Variants in RALGPS2 observed in about 807,000 individuals in gnomAD.
RALGPS2 encodes the protein Ral GEF with PH domain and SH3 binding motif 2.
A neutral mutation model predicts 86.8 loss-of-function variants in RALGPS2; 43 were observed. The ratio of observed to expected loss-of-function variants is 0.50; its 90% confidence interval spans 0.39 to 0.64. The LOEUF (loss-of-function observed/expected upper bound fraction) is 0.64, where lower values mean the gene tolerates loss of function less well. Ranked by LOEUF, RALGPS2 falls within the 30% of genes least tolerant of loss-of-function variation. The pLI, the probability that RALGPS2 is intolerant of heterozygous loss-of-function variation, is 0.00. For synonymous variants in RALGPS2, 243 were observed against 231.3 expected, an observed-to-expected ratio of 1.05 and a Z score of -0.46; for missense variants, 536 against 694.6, an observed-to-expected ratio of 0.77 and a Z score of 2.57.
intron 10 of RALGPS2, among the ~76,000 whole-genome samples, chr1:178,880,545 T>C (rs1295927382): frequency 6.6e-6 from 1 of 152,176 alleles, no homozygotes; most frequent in Non-Finnish European, 1.5e-5. Context: ...TTTTTCAAGT[T>C]TGATGGTCTG....
At chr1:178,915,591 TTG>T (rs1312196584) in intron 19 of RALGPS2, among the ~76,000 whole-genome samples, 7 of 152,246 alleles carry the variant, frequency 4.6e-5, no homozygotes, top group African/African-American at 1.7e-4. Context: ...ACTTGAGCAT[TTG>T]TGTTGTATTT....
chr1:178,863,483 A>G (rs569692418), intron 8 of RALGPS2, among the ~76,000 whole-genome samples: 1 of 152,386 alleles, frequency 6.6e-6, no homozygotes, highest in Non-Finnish European at 1.5e-5. Context: ...GTTTGTTTGA[A>G]TCTAGGAAGT....
intron 1 of RALGPS2, among the ~76,000 whole-genome samples, chr1:178,766,869 G>A (rs1217075791): frequency 6.6e-6 from 1 of 152,176 alleles, no homozygotes; most frequent in African/African-American, 2.4e-5. Context: ...CTCCCTTTCA[G>A]GGATGCCAAT....
At chr1:178,779,134 A>G (rs1653252912) in intron 2 of RALGPS2, among the ~76,000 whole-genome samples, 1 of 152,212 alleles carries the variant, frequency 6.6e-6, no homozygotes, top group Non-Finnish European at 1.5e-5. Context: ...ATTAGAGGAA[A>G]CAAAAGAACC....
chr1:178,891,604 T>C (rs1659711939), intron 14 of RALGPS2, among the ~76,000 whole-genome samples: 1 of 148,920 alleles, frequency 6.7e-6, no homozygotes, highest in South Asian at 2.1e-4. Flanking sequence ...TCTGTTTTTA[T>C]TTTTTTTGTT....
chr1:178,826,347 C>T (rs1238663541), intron 7 of RALGPS2, among the ~76,000 whole-genome samples: 1 of 152,160 alleles, frequency 6.6e-6, no homozygotes, highest in Non-Finnish European at 1.5e-5. Flanking sequence ...TTTATACATA[C>T]AGTGGAATAT....
At chr1:178,793,382 C>T (rs1485868640) in intron 4 of RALGPS2, among the ~76,000 whole-genome samples, 4 of 147,958 alleles carry the variant, frequency 2.7e-5, no homozygotes, top group South Asian at 2.2e-4. Context: ...ATAAGAATTT[C>T]GATCAAAACC....
At chr1:178,801,241 A>G (rs1654456615) in intron 4 of RALGPS2, among the ~76,000 whole-genome samples, 1 of 151,952 alleles carries the variant, frequency 6.6e-6, no homozygotes, top group Admixed American at 6.6e-5. Context: ...AATCTTCTTT[A>G]TGTGCATATG....
intron 13 of RALGPS2, among the ~76,000 whole-genome samples, chr1:178,888,777 G>GAC (rs2102384045): frequency 6.6e-6 from 1 of 152,174 alleles, no homozygotes; most frequent in Non-Finnish European, 1.5e-5. Context: ...CTCTAAGAGA[G>GAC]ACGAGTCTAA....
In RALGPS2 at chr1:178,885,975, T is replaced by A; in HGVS notation, c.1047T>A (p.Ile349=). 1 of 1,583,978 alleles carries A rather than the reference T, an allele frequency of 6.3e-7. No individual in the cohort carries two copies. Among genetic ancestry groups the A allele is most frequent in the Non-Finnish European group, 8.5e-7 (1 of 1,169,882 alleles). Residue 349 remains isoleucine (I), a synonymous_variant, in exon 13 of 20, where the codon ATT becomes ATA. Transcript: ENST00000367635. The stretch of plus-strand genomic sequence containing the variant: ...CTTTTTTTTCTGTTTCTAGTTTCAT[T>A]CATAAAATGAACACAGCAGAATTTA... ...RKCHSLGYNF[I]HKMNTAEFKS...
At position 178,776,742 on chromosome 1, in the gene RALGPS2, G is replaced by A. The variant is rs1159805617; in HGVS notation, c.-23G>A. 3 of 1,601,500 alleles carry A rather than the reference G, an allele frequency of 1.9e-6. No homozygotes were observed. The highest frequency in any genetic ancestry group is 2.6e-6 in the Non-Finnish European group (3 of 1,170,830). ...CAGTCCTCTGTTGCTGTTAACATAA[G>A]GTCAGGGACTGATGAGGAAAGCATG... On this transcript the variant is annotated 5_prime_UTR_variant, in exon 2 of 20. Coordinates refer to ENST00000367635, the MANE Select transcript of RALGPS2 (RefSeq NM_152663.5).
Position 178,811,484 on chromosome 1 carries a change from A to G in RALGPS2, c.387+80A>G, listed in dbSNP as rs564013639. 2.9e-6 allele frequency: 3 copies of G among 1,027,168 alleles called. 1 individual carries two copies. In the Admixed American group the frequency reaches 8.3e-5, roughly 29 times the overall value. 63.6% of individuals were successfully genotyped at this position (1,027,168 alleles called of 1,614,324 possible). Reference sequence around the variant, plus strand: ...AGTGAATAAATATTCGTGATGCTTTATTCACTGTTTATTGATACTGGAAAA... The same window carrying G: ...AGTGAATAAATATTCGTGATGCTTTGTTCACTGTTTATTGATACTGGAAAA... On this transcript the variant is annotated intron_variant, in intron 6 of 19. Transcript: ENST00000367635.
At chr1:178,871,292 A>G (rs1402299218) in intron 8 of RALGPS2, among the ~76,000 whole-genome samples, 1 of 152,158 alleles carries the variant, frequency 6.6e-6, no homozygotes, top group Non-Finnish European at 1.5e-5. Flanking sequence ...GAAACAAACT[A>G]TCATAGTTCA....
intron 1 of RALGPS2, 72 bp downstream of exon 1, chr1:178,725,491 G>A (rs1413658198): frequency 6.6e-6 from 1 of 150,810 alleles, no homozygotes; most frequent in Non-Finnish European, 1.5e-5. Flanking sequence ...CGCCCCCCGG[G>A]CGGCGCGGGG....
At chr1:178,822,827 C>T (rs998010148) in intron 7 of RALGPS2, among the ~76,000 whole-genome samples, 11 of 151,818 alleles carry the variant, frequency 7.2e-5, no homozygotes, top group South Asian at 4.1e-4. Context: ...AAGAATTATA[C>T]GCTGTGAAAA....
At chr1:178,778,705 T>C (rs1653224951) in intron 2 of RALGPS2, among the ~76,000 whole-genome samples, 1 of 138,388 alleles carries the variant, frequency 7.2e-6, no homozygotes, top group Non-Finnish European at 1.6e-5. Flanking sequence ...CATGGAATAC[T>C]ATGCAGCCAT....
chr1:178,797,062 A>G (rs937860493), intron 4 of RALGPS2, among the ~76,000 whole-genome samples: 1 of 152,220 alleles, frequency 6.6e-6, no homozygotes, highest in African/African-American at 2.4e-5. Context: ...TTTACATAGT[A>G]TACTCAAAAC....
intron 14 of RALGPS2, among the ~76,000 whole-genome samples, chr1:178,890,618 A>G (rs1659678648): frequency 6.6e-6 from 1 of 151,910 alleles, no homozygotes. Context: ...TGAAATCATA[A>G]ATTTCATGCT....
At chr1:178,910,711 C>G (rs533089045) in intron 19 of RALGPS2, among the ~76,000 whole-genome samples, 12 of 152,156 alleles carry the variant, frequency 7.9e-5, no homozygotes, top group African/African-American at 2.9e-4. Flanking sequence ...GTATATTGAC[C>G]TGTAGTTCTG....
Sources: gnomAD v4.1 joint callset for allele counts (sites outside exome capture counted in the v4.1 genomes callset) on GRCh38, gnomAD v4.1.1 for gene constraint, MANE v1.5 for transcripts, NCBI Gene and HGNC (gene_info 2026-07-23, HGNC 2026-07-21) for gene names.